GSE1: variants seen among roughly 807,000 people sequenced by gnomAD.
GSE1 encodes the protein Gse1 coiled-coil protein.
In GSE1, 32 loss-of-function variants were observed where a neutral mutation model predicts 112.6. The observed-to-expected ratio is 0.28, with a 90% CI of 0.21 to 0.38. GSE1 has a LOEUF of 0.38. GSE1 is among the 10% of genes least tolerant of loss of function. The pLI, the probability that GSE1 is intolerant of heterozygous loss-of-function variation, is 1.00. For synonymous variants in GSE1, 1,115 were observed against 735.6 expected, an observed-to-expected ratio of 1.52 and a Z score of -8.35; for missense variants, 2,348 against 1,699.2, an observed-to-expected ratio of 1.38 and a Z score of -6.71.
At chr16:85,182,898 C>T (rs961942651) in intron 1 of GSE1, among the ~76,000 whole-genome samples, 1 of 152,062 alleles carries the variant, frequency 6.6e-6, no homozygotes, top group Non-Finnish European at 1.5e-5. Flanking sequence ...GCCTCCCTCT[C>T]GCACACACGC....
chr16:85,648,830 C>T lies in GSE1; in HGVS notation c.426+79C>T, dbSNP rs1598571525. The T allele has an allele frequency of 9.7e-5, 78 of 800,610 alleles. No individual in the cohort carries two copies. The East Asian group carries it at 2.2e-3, about 23-fold the overall frequency. The allele number at this position is 800,610 out of a possible 1,614,324, so 49.6% of individuals were successfully genotyped here. On this transcript the variant is annotated intron_variant, in intron 3 of 15. Transcript: ENST00000253458. ...CAGGCATCCATTGGGGGCTCTGGAG[C>T]TTTCGAGGTTGAGTTTACATTCCAG...
rs138231182 is a variant in GSE1 at position 85,663,484 on chromosome 16, G to A, written c.2514G>A (p.Thr838=). ...SPPTIQSKRQ[T]PSPRLALSTR... is the part of the protein sequence containing the mutation. ...CAACAATTCAGAGCAAGCGGCAGACGCCTTCACCGAGACTGGCGCTGTCTA... is the reference window on the plus strand; with the variant it reads ...CAACAATTCAGAGCAAGCGGCAGACACCTTCACCGAGACTGGCGCTGTCTA... Residue 838 remains threonine, a synonymous_variant, in exon 11 of 16, where the codon ACG becomes ACA. Coordinates refer to ENST00000253458, the MANE Select transcript of GSE1 (RefSeq NM_014615.5). 964 of 1,613,892 alleles carry A rather than the reference G, an allele frequency of 6.0e-4. 3 individuals carry two copies. The highest frequency in any genetic ancestry group is 3.4e-3 in the East Asian group (151 of 44,888).
At chr16:85,486,081 A>C (rs370031666) in intron 2 of GSE1, among the ~76,000 whole-genome samples, 1 of 152,144 alleles carries the variant, frequency 6.6e-6, no homozygotes, top group African/African-American at 2.4e-5. Flanking sequence ...CCTCAGGTGC[A>C]GCCCTGCCAA....
At chr16:85,217,800 C>T (rs1281753832) in intron 1 of GSE1, among the ~76,000 whole-genome samples, 1 of 152,194 alleles carries the variant, frequency 6.6e-6, no homozygotes, top group East Asian at 1.9e-4. Context: ...CCTCTTCCTC[C>T]TGCCTCCTCC....
intron 2 of GSE1, among the ~76,000 whole-genome samples, chr16:85,451,074 C>CAAAAAA (rs57839123): frequency 9.4e-5 from 6 of 64,148 alleles, no homozygotes; most frequent in Non-Finnish European, 1.4e-4. Flanking sequence ...AACGCCATCT[C>CAAAAAA]AAAAAAAAAA....
intron 1 of GSE1, among the ~76,000 whole-genome samples, chr16:85,225,003 T>A (rs2075459545): frequency 6.6e-6 from 1 of 152,068 alleles, no homozygotes; most frequent in Admixed American, 6.5e-5. Context: ...TGATGGCATG[T>A]GCCTGTAGCC....
At chr16:85,483,094 G>C (rs1475366118) in intron 2 of GSE1, among the ~76,000 whole-genome samples, 1 of 152,180 alleles carries the variant, frequency 6.6e-6, no homozygotes, top group Non-Finnish European at 1.5e-5. Context: ...ATTATTCAAA[G>C]TATTGTGTAA....
At chr16:85,644,938 C>T (rs1266624355) in intron 2 of GSE1, among the ~76,000 whole-genome samples, 3 of 151,822 alleles carry the variant, frequency 2.0e-5, no homozygotes. Flanking sequence ...TTCTCAAAAT[C>T]TAAATACATA....
rs1160736504 is a variant in GSE1 at position 85,384,684 on chromosome 16, T to C, written c.2464+27041T>C. Among the ~76,000 whole-genome samples, 4 of 152,198 alleles carry C rather than the reference T, an allele frequency of 2.6e-5. No homozygotes were observed. In the East Asian group the frequency reaches 7.7e-4, roughly 29 times the overall value. ...CACGGCCAGGCGTGTGGGTGGATTGTTCTGGATGCCTCAGAGCCCTGTTCT... is the reference window on the plus strand; with the variant it reads ...CACGGCCAGGCGTGTGGGTGGATTGCTCTGGATGCCTCAGAGCCCTGTTCT... On this transcript the variant is annotated intron_variant, in intron 2 of 2. Transcript: ENST00000637419.
chr16:85,180,605 T>C (rs954835416), intron 1 of GSE1, among the ~76,000 whole-genome samples: 5 of 152,198 alleles, frequency 3.3e-5, no homozygotes, highest in African/African-American at 1.2e-4. Flanking sequence ...AGTGGGCTTA[T>C]TTGTTTTTAT....
At chr16:85,337,264 G>A (rs779898038) in intron 1 of GSE1, among the ~76,000 whole-genome samples, 12 of 151,308 alleles carry the variant, frequency 7.9e-5, no homozygotes, top group Non-Finnish European at 1.5e-4. Context: ...CCTGAGGGGA[G>A]GCCCTGCACT....
chr16:85,312,525 A>G (rs2151484569), intron 1 of GSE1, among the ~76,000 whole-genome samples: 1 of 152,254 alleles, frequency 6.6e-6, no homozygotes, highest in Non-Finnish European at 1.5e-5. Flanking sequence ...TAAGGACGCT[A>G]GTTAGTGGAT....
At chr16:85,555,358 A>C, upstream of GSE1, 1 of 974,880 alleles carries the variant, frequency 1.0e-6, no homozygotes, top group Non-Finnish European at 1.2e-6. Flanking sequence ...TCTCTGAGTC[A>C]GTGGTGGGAC....
chr16:85,283,382 C>G (rs957842553), intron 1 of GSE1: 1 of 152,766 alleles, frequency 6.5e-6, no homozygotes, highest in Non-Finnish European at 1.5e-5. Context: ...CCCTGAGCAT[C>G]TTGGCTCTGC....
rs562565733 is a variant in GSE1, at chr16:85,438,409, C to G, written c.2464+80766C>G. ...CACCCCGCTCTGTTCTTGGTACCCG[C>G]GCCTGCCCAGAGGTCCTTCGTGGGC... On this transcript the variant is annotated intron_variant, in intron 2 of 2. Transcript: ENST00000637419. Among the ~76,000 whole-genome samples the G allele has an allele frequency of 5.9e-5, 9 of 152,326 alleles. No individual in the cohort carries two copies. In the South Asian group the frequency reaches 1.9e-3, roughly 32 times the overall value.
chr16:85,554,597 AAAG>A (rs2045103204), upstream of GSE1, among the ~76,000 whole-genome samples: 1 of 152,116 alleles, frequency 6.6e-6, no homozygotes, highest in Non-Finnish European at 1.5e-5. Context: ...AGAGGAAAAG[AAAG>A]GAGGGAAACA....
chr16:85,497,145 C>T (rs891163941), intron 2 of GSE1, among the ~76,000 whole-genome samples: 2 of 152,268 alleles, frequency 1.3e-5, no homozygotes, highest in African/African-American at 2.4e-5. Context: ...GTGATCCACC[C>T]GCCTCAGCCT....
At chr16:85,267,387 A>G (rs1244283054) in intron 1 of GSE1, among the ~76,000 whole-genome samples, 1 of 151,808 alleles carries the variant, frequency 6.6e-6, no homozygotes, top group Non-Finnish European at 1.5e-5. Flanking sequence ...TCTTTTCTCC[A>G]TCACCCCCTC....
chr16:85,357,669 C>G (rs1442083119), intron 2 of GSE1: 1 of 1,275,372 alleles, frequency 7.8e-7, no homozygotes, highest in Non-Finnish European at 1.0e-6. Context: ...TTTTGTATCT[C>G]TGGGTACTGG....
Sources: allele counts gnomAD v4.1 joint callset (sites outside exome capture counted in the v4.1 genomes callset), GRCh38; gene constraint gnomAD v4.1.1; transcripts MANE v1.5; gene names NCBI Gene and HGNC (gene_info 2026-07-23, HGNC 2026-07-21).